The following APC variants were observed in gnomAD, a reference collection of about 807,000 sequenced individuals.
APC encodes the protein APC regulator of Wnt signaling pathway, also known as adenomatous polyposis coli protein.
Under a neutral mutation model 247.0 loss-of-function variants are expected in APC, and 72 were observed. The ratio of observed to expected loss-of-function variants is 0.29; its 90% CI spans 0.24 to 0.35. The LOEUF is 0.35. Ranked by LOEUF, APC falls within the 10% of genes least tolerant of loss-of-function variation. The probability of loss-of-function intolerance (pLI) is 1.00; values close to 1 mark genes in which losing one functional copy is unlikely to be tolerated. For missense variants in APC, 3,400 were observed against 3,360.7 expected (o/e 1.01, Z -0.29); for synonymous variants, 1,254 against 1,162.5 (o/e 1.08, Z -1.60).
chr5:112,818,843 T>C lies in APC; in HGVS notation c.934-123T>C, dbSNP rs79163044. ...GGTTTTCCGGTTTTTTGTTTTTTTT[T>C]TGGCGGGGGGGGTTGTTTTGTTTTT... On this transcript the variant is annotated intron_variant, in intron 9 of 15. Coordinates refer to ENST00000257430, the MANE Select transcript of APC (RefSeq NM_000038.6). 6.6e-5 allele frequency: 60 copies of C among 910,544 alleles called. 1 individual carries two copies. The highest frequency in any genetic ancestry group is 1.4e-4 in the Admixed American group (5 of 35,876). 56.4% of individuals were successfully genotyped at this position (910,544 alleles called of 1,614,324 possible).
At chr5:112,736,747 C>G (rs539812146), upstream of APC, among the ~76,000 whole-genome samples, 25 of 152,276 alleles carry the variant, frequency 1.6e-4, no homozygotes, top group East Asian at 4.2e-3. Context: ...AACCCCGTCT[C>G]TACTAAAAAT....
At chr5:112,782,752 A>G (rs534693042) in intron 6 of APC, among the ~76,000 whole-genome samples, 7 of 152,204 alleles carry the variant, frequency 4.6e-5, no homozygotes, top group Non-Finnish European at 1.0e-4. Flanking sequence ...TAAAACGCTA[A>G]TGATAAAAGA....
At position 112,840,879 on chromosome 5, in the gene APC, A is replaced by C. The variant is rs1554086604; in HGVS notation, c.5285A>C (p.Lys1762Thr). The C allele has an allele frequency of 6.2e-7, 1 of 1,614,024 alleles. No homozygotes were observed. The highest frequency in any genetic ancestry group is 8.5e-7 in the Non-Finnish European group (1 of 1,179,894). The part of the protein sequence containing the change: ...QASASSSAPN[K>T]NQLDGKKKKP... ...TCTGCGTCTTCTTCTGCACCCAACAAAAATCAGTTAGATGGTAAGAAAAAG... is the reference window on the plus strand; with the variant it reads ...TCTGCGTCTTCTTCTGCACCCAACACAAATCAGTTAGATGGTAAGAAAAAG... Residue 1762 changes from lysine to threonine, a missense_variant, in exon 16 of 16, where the codon AAA becomes ACA. Lys to Thr is a moderately conservative substitution (Grantham distance 78). Transcript: ENST00000257430. This position sits in a 1 kb window ranked among gnomAD's most constrained non-coding sequence, Gnocchi z 4.1.
At chr5:112,760,410 A>G (rs1019887245) in intron 2 of APC, among the ~76,000 whole-genome samples, 1 of 152,216 alleles carries the variant, frequency 6.6e-6, no homozygotes, top group African/African-American at 2.4e-5. Flanking sequence ...TGTTACTTTC[A>G]TACCACAGGT....
chr5:112,762,870 A>G (rs74473355), intron 2 of APC, among the ~76,000 whole-genome samples: 1 of 152,238 alleles, frequency 6.6e-6, no homozygotes, highest in African/African-American at 2.4e-5. Context: ...TTATTGTGGA[A>G]TAGCCATAAA....
intron 4 of APC, 86 bp from the exon 5 acceptor site, chr5:112,775,543 G>T (rs1424828651): frequency 2.6e-6 from 2 of 766,568 alleles, no homozygotes; most frequent in South Asian, 1.7e-5. Flanking sequence ...AGAGAAGTTT[G>T]CAATAACAAC....
chr5:112,789,857 A>ATTTTTTTTTTTTTT (rs71626674), intron 6 of APC, among the ~76,000 whole-genome samples: 1 of 147,300 alleles, frequency 6.8e-6, no homozygotes. Context: ...CTTAAAGAAT[A>ATTTTTTTTTTTTTT]TTTTTTTTTT....
At chr5:112,827,352 A>T in intron 12 of APC, 105 bp downstream of exon 12, 1 of 1,250,230 alleles carries the variant, frequency 8.0e-7, no homozygotes, top group East Asian at 2.4e-5. Flanking sequence ...TCTCCTCATT[A>T]AACAATGACT....
At chr5:112,778,165 G>T in intron 5 of APC, 2 of 210,622 alleles carry the variant, frequency 9.5e-6, no homozygotes, top group Non-Finnish European at 2.0e-5. Context: ...CCTATTTTTT[G>T]CAATGTAGTT....
Position 112,843,354 on chromosome 5 carries a change from A to T in APC, c.7760A>T (p.Glu2587Val). 6.2e-7 allele frequency: 1 copy of T among 1,613,980 alleles called. No individual in the cohort carries two copies. The highest frequency in any genetic ancestry group is 8.5e-7 in the Non-Finnish European group (1 of 1,179,920). Residue 2587 changes from glutamate to valine, a missense_variant, in exon 16 of 16, where the codon GAG (glutamate) becomes GTG (valine). Coordinates refer to ENST00000257430, the MANE Select transcript of APC (RefSeq NM_000038.6). This position sits in a 1 kb window ranked among gnomAD's most constrained non-coding sequence, Gnocchi z 4.8. Reference protein sequence around the residue: ...SSESSEKAKSEDEKHVNSISG... With the variant: ...SSESSEKAKSVDEKHVNSISG... ...GAATCCAGTGAAAAAGCAAAAAGTG[A>T]GGATGAAAAACATGTGAACTCTATT...
chr5:112,788,959 A>G (rs948217653), intron 6 of APC, among the ~76,000 whole-genome samples: 2 of 152,140 alleles, frequency 1.3e-5, no homozygotes, highest in African/African-American at 4.8e-5. Flanking sequence ...AATGGAAACA[A>G]TGATAGTGGT....
At position 112,839,106 on chromosome 5, in the gene APC, G is replaced by A. The variant is rs372481703; in HGVS notation, c.3512G>A (p.Arg1171His). 2.5e-5 allele frequency: 40 copies of A among 1,613,912 alleles called. 1 individual carries two copies. Among genetic ancestry groups the A allele is most frequent in the Non-Finnish European group, 3.1e-5 (36 of 1,179,998 alleles). ...NYSIKYNEEK[R>H]HVDQPIDYSL... The stretch of plus-strand genomic sequence containing the variant: ...AGCATAAAATATAATGAAGAGAAAC[G>A]TCATGTGGATCAGCCTATTGATTAT... Residue 1171 changes from arginine to histidine, a missense_variant, in exon 16 of 16, where the codon CGT becomes CAT. Transcript: ENST00000257430. This position sits in a 1 kb window ranked among gnomAD's most constrained non-coding sequence, Gnocchi z 5.0.
rs770637582 is a variant in APC at position 112,841,848 on chromosome 5, G to A, written c.6254G>A (p.Arg2085Lys). ...DLTLDLKDIQ[R>K]PDSEHGLSPD... ...ACACTTGATTTGAAAGATATACAGAGACCAGATTCAGAACATGGTCTATCC... is the reference window on the plus strand; with the variant it reads ...ACACTTGATTTGAAAGATATACAGAAACCAGATTCAGAACATGGTCTATCC... The change falls in exon 16 of 16, where the codon AGA becomes AAA. Residue 2085 changes from arginine to lysine, a missense_variant. Physicochemically the swap from Arg to Lys is conservative, Grantham distance 26. Around this residue, in one of 9 missense-constraint regions of APC, gnomAD observed 1,788 missense variants for 1,649.5 expected, o/e 1.08. Transcript: ENST00000257430. This position sits in a 1 kb window ranked among gnomAD's most constrained non-coding sequence, Gnocchi z 4.6. 6.8e-6 allele frequency: 11 copies of A among 1,613,762 alleles called. No individual in the cohort carries two copies. Among genetic ancestry groups the A allele is most frequent in the Non-Finnish European group, 8.5e-7 (1 of 1,179,848 alleles).
Position 112,840,685 on chromosome 5 carries a change from A to C in APC, c.5091A>C (p.Thr1697=). The C allele has an allele frequency of 6.2e-7, 1 of 1,614,120 alleles. No individual in the cohort carries two copies. The highest frequency in any genetic ancestry group is 1.6e-4 in the Middle Eastern group (1 of 6,062). Residue 1697 remains threonine, a synonymous_variant, in exon 16 of 16, where the codon ACA becomes ACC. Coordinates refer to ENST00000257430, the MANE Select transcript of APC (RefSeq NM_000038.6). The surrounding 1 kb of genome is among the most constrained non-coding windows in gnomAD (Gnocchi z 4.1). The stretch of plus-strand genomic sequence containing the variant: ...CCATTCCTACAGAAGGCAGAAGTAC[A>C]GATGAGGCTCAAGGAGGAAAAACCT... The part of the protein sequence containing the change: ...RDTIPTEGRS[T]DEAQGGKTSS...
Position 112,839,291 on chromosome 5 carries a change from C to T in APC, c.3697C>T (p.Pro1233Ser), listed in dbSNP as rs763997113. Residue 1233 changes from proline (P) to serine (S), a missense_variant, in exon 16 of 16, where the codon CCA becomes TCA. Pro to Ser is a moderately conservative substitution (Grantham distance 74, BLOSUM62 -1). Transcript: ENST00000257430. The surrounding 1 kb of genome is among the most constrained non-coding windows in gnomAD (Gnocchi z 5.0). The part of the protein sequence containing the change: ...SNAKRQNQLH[P>S]SSAQSRSGQP... The stretch of plus-strand genomic sequence containing the variant: ...TGCCAAGAGGCAGAATCAGCTCCAT[C>T]CAAGTTCTGCACAGAGTAGAAGTGG... 1 of 1,614,144 alleles carries T rather than the reference C, an allele frequency of 6.2e-7. No homozygotes were observed. Among genetic ancestry groups the T allele is most frequent in the South Asian group, 1.1e-5 (1 of 91,080 alleles).
chr5:112,737,316 G>A (rs1310290473), upstream of APC, among the ~76,000 whole-genome samples: 2 of 152,102 alleles, frequency 1.3e-5, no homozygotes, highest in Non-Finnish European at 2.9e-5. Context: ...CTTCAACTCA[G>A]GCAACCCAGA....
chr5:112,814,352 A>G (rs58659317), intron 8 of APC, among the ~76,000 whole-genome samples: 4,522 of 152,190 alleles, frequency 0.03, 235 homozygotes, highest in African/African-American at 0.1. Flanking sequence ...GTCAGATTCA[A>G]AGTGAGCTCA....
At position 112,824,569 on chromosome 5, in the gene APC, C is replaced by T. The variant is rs576439725; in HGVS notation, c.1409-2539C>T. Among the ~76,000 whole-genome samples, 5 of 152,212 alleles carry T rather than the reference C, an allele frequency of 3.3e-5. No homozygotes were observed. In the South Asian group the frequency reaches 1.0e-3, roughly 32 times the overall value. On this transcript the variant is annotated intron_variant, in intron 11 of 15. Coordinates refer to ENST00000257430, the MANE Select transcript of APC (RefSeq NM_000038.6). ...TTTTTAGTTTTTCCATACAAGAGTACTCAACTCTTTGATCATGTAGTGCCT... is the reference window on the plus strand; with the variant it reads ...TTTTTAGTTTTTCCATACAAGAGTATTCAACTCTTTGATCATGTAGTGCCT...
chr5:112,781,477 A>G (rs75670678), intron 6 of APC, among the ~76,000 whole-genome samples: 1 of 152,228 alleles, frequency 6.6e-6, no homozygotes, highest in Non-Finnish European at 1.5e-5. Context: ...CTAATGTTTT[A>G]AAGCCCTGAA....
Sources: allele counts gnomAD v4.1 joint callset (sites outside exome capture counted in the v4.1 genomes callset), GRCh38; gene constraint gnomAD v4.1.1; regional missense constraint gnomAD v4.1.1; non-coding constraint Gnocchi (gnomAD v3.1); transcripts MANE v1.5; gene names NCBI Gene and HGNC (gene_info 2026-07-23, HGNC 2026-07-21).